The following PATJ variants were observed in gnomAD, a reference collection of about 807,000 sequenced individuals.
PATJ encodes the protein inaD-like protein.
In PATJ, 190 loss-of-function variants were observed where a neutral mutation model predicts 224.9. The ratio of observed to expected loss-of-function variants is 0.84; its 90% CI spans 0.75 to 0.95. The LOEUF (loss-of-function observed/expected upper bound fraction) is 0.95, where lower values mean the gene tolerates loss of function less well. Among genes scored for constraint, PATJ ranks in the 40% least tolerant of loss-of-function variants. PATJ has a pLI of 0.00. For missense variants in PATJ, 2,121 were observed against 2,270.3 expected, an observed-to-expected ratio of 0.93 and a Z score of 1.34; for synonymous variants, 769 against 820.3, an observed-to-expected ratio of 0.94 and a Z score of 1.07.
At chr1:62,056,976 G>A (rs1234881357) in intron 31 of PATJ, among the ~76,000 whole-genome samples, 1 of 152,060 alleles carries the variant, frequency 6.6e-6, no homozygotes, top group Non-Finnish European at 1.5e-5. Flanking sequence ...ACAGGCATGC[G>A]CCACCAGGCC....
chr1:61,972,016 A>G (rs145843988), intron 27 of PATJ, among the ~76,000 whole-genome samples: 1 of 152,104 alleles, frequency 6.6e-6, no homozygotes, highest in East Asian at 1.9e-4. Flanking sequence ...AAGTCTGAGC[A>G]AAAATAATTA....
chr1:62,138,072 G>A (rs758050684), intron 41 of PATJ, among the ~76,000 whole-genome samples: 6 of 152,116 alleles, frequency 3.9e-5, no homozygotes, highest in Non-Finnish European at 5.9e-5. Context: ...ACCTCAGGTC[G>A]GCAATTACTA....
intron 27 of PATJ, among the ~76,000 whole-genome samples, chr1:61,928,679 T>TA (rs1675581960): frequency 6.6e-6 from 1 of 152,102 alleles, no homozygotes; most frequent in Non-Finnish European, 1.5e-5. Context: ...TAATGAGGAT[T>TA]AAAATAAAGC....
intron 39 of PATJ, among the ~76,000 whole-genome samples, chr1:62,126,155 T>C (rs1157045786): frequency 6.6e-6 from 1 of 152,154 alleles, no homozygotes; most frequent in African/African-American, 2.4e-5. Context: ...GAATTGAGGA[T>C]TCGTTTTCTT....
intron 25 of PATJ, among the ~76,000 whole-genome samples, chr1:61,911,762 CAA>C (rs1027405311): frequency 1.1e-4 from 16 of 146,488 alleles, no homozygotes; most frequent in Admixed American, 4.8e-4. Flanking sequence ...GTCAGGGAGG[CAA>C]AGTGTTTTGT....
At chr1:62,025,717 A>G (rs1196354977) in intron 29 of PATJ, among the ~76,000 whole-genome samples, 4 of 152,210 alleles carry the variant, frequency 2.6e-5, no homozygotes, top group Non-Finnish European at 5.9e-5. Flanking sequence ...CAGCTGCTCA[A>G]GAGACGGAGG....
At chr1:61,757,181 C>T (rs1645698164) in intron 1 of PATJ, among the ~76,000 whole-genome samples, 1 of 149,966 alleles carries the variant, frequency 6.7e-6, no homozygotes, top group South Asian at 2.1e-4. Flanking sequence ...AAGCGATTCT[C>T]CCACCTTAGC....
At chr1:62,069,808 A>C (rs938586625) in intron 31 of PATJ, among the ~76,000 whole-genome samples, 3 of 152,144 alleles carry the variant, frequency 2.0e-5, no homozygotes, top group African/African-American at 7.2e-5. Context: ...TTGTGCTGGC[A>C]TGTAGTAGGT....
chr1:61,934,748 C>A (rs1676579238), intron 27 of PATJ, among the ~76,000 whole-genome samples: 1 of 152,150 alleles, frequency 6.6e-6, no homozygotes, highest in South Asian at 2.1e-4. Flanking sequence ...ATGACCCTCT[C>A]TGTTTTGGCC....
In PATJ at chr1:61,797,444, C is replaced by A. The variant is rs767373250; in HGVS notation, c.1402+16C>A. ...TCAGACAGAGGTGATTAATTTGCCACCCCTCTATCCCTCAAGTAGTTTACA... is the reference window on the plus strand; with the variant it reads ...TCAGACAGAGGTGATTAATTTGCCAACCCTCTATCCCTCAAGTAGTTTACA... On this transcript the variant is annotated intron_variant, in intron 11 of 43. Transcript: ENST00000642238. The A allele has an allele frequency of 6.3e-7, 1 of 1,598,990 alleles. No homozygotes were observed. Among genetic ancestry groups the A allele is most frequent in the South Asian group, 1.1e-5 (1 of 90,446 alleles).
At chr1:61,744,248 C>T (rs1376672544) in intron 1 of PATJ, among the ~76,000 whole-genome samples, 1 of 128,412 alleles carries the variant, frequency 7.8e-6, no homozygotes, top group Non-Finnish European at 1.6e-5. Flanking sequence ...TGCACCACTA[C>T]ACTCCAGCCT....
At chr1:61,891,963 A>G (rs2149110641) in intron 22 of PATJ, among the ~76,000 whole-genome samples, 1 of 152,324 alleles carries the variant, frequency 6.6e-6, no homozygotes, top group African/African-American at 2.4e-5. Flanking sequence ...TTTAGAACAC[A>G]TGTACATGTA....
chr1:61,901,429 C>A lies in PATJ; in HGVS notation c.3351C>A (p.Asn1117Lys). 1 of 1,582,250 alleles carries A rather than the reference C, an allele frequency of 6.3e-7. No individual in the cohort carries two copies. The highest frequency in any genetic ancestry group is 1.2e-5 in the South Asian group (1 of 84,852). ...AAGACAGTCCAGCAGGGAAGACGAACGCACTTAAAACTGGAGATAAAATAC... is the reference window on the plus strand; with the variant it reads ...AAGACAGTCCAGCAGGGAAGACGAAAGCACTTAAAACTGGAGATAAAATAC... Reference protein sequence around the residue: ...VLEDSPAGKTNALKTGDKILE... With the variant: ...VLEDSPAGKTKALKTGDKILE... Residue 1117 changes from asparagine to lysine, a missense_variant, in exon 24 of 44, where the codon AAC becomes AAA. Coordinates refer to ENST00000642238, the MANE Select transcript of PATJ (RefSeq NM_001350145.3).
At chr1:61,924,068 A>T (rs1289358998) in intron 26 of PATJ, among the ~76,000 whole-genome samples, 1 of 151,606 alleles carries the variant, frequency 6.6e-6, no homozygotes, top group South Asian at 2.1e-4. Context: ...AGAATAGGCA[A>T]TCAGGATTCA....
chr1:62,155,280 G>T (rs2149055715), intron 43 of PATJ, among the ~76,000 whole-genome samples: 1 of 152,282 alleles, frequency 6.6e-6, no homozygotes, highest in East Asian at 1.9e-4. Context: ...ACATGGGTCA[G>T]CTTCTAAGGC....
At chr1:61,988,880 T>A (rs1644909629) in intron 27 of PATJ, among the ~76,000 whole-genome samples, 1 of 152,200 alleles carries the variant, frequency 6.6e-6, no homozygotes, top group African/African-American at 2.4e-5. Flanking sequence ...CAAGGTTCCC[T>A]CCTAAGGACA....
In PATJ at chr1:61,861,560, G is replaced by C. The variant is rs1339374453; in HGVS notation, c.2332G>C (p.Glu778Gln). 2.2e-6 allele frequency: 3 copies of C among 1,351,024 alleles called. No homozygotes were observed. The South Asian group carries it at 4.0e-5, about 18-fold the overall frequency. The allele number at this position is 1,351,024 out of a possible 1,614,324, so 83.7% of individuals were successfully genotyped here. A position where few individuals can be genotyped will look rare whatever the true frequency, so the allele number is the denominator to read the frequency against. ...TGGTTTATATTTTCAGGAAGATAATGAAGAAGAAAGTTGTTATATTTTACA... is the reference window on the plus strand; with the variant it reads ...TGGTTTATATTTTCAGGAAGATAATCAAGAAGAAAGTTGTTATATTTTACA... ...GICKPLVEDN[E>Q]EESCYILHSS... The change falls in exon 19 of 44, where the codon GAA becomes CAA. Residue 778 changes from glutamate (E) to glutamine (Q), a missense_variant. Coordinates refer to ENST00000642238, the MANE Select transcript of PATJ (RefSeq NM_001350145.3).
At chr1:61,895,952 A>G (rs1226393600) in intron 22 of PATJ, among the ~76,000 whole-genome samples, 1 of 152,154 alleles carries the variant, frequency 6.6e-6, no homozygotes, top group East Asian at 1.9e-4. Flanking sequence ...TTGAATCAGC[A>G]TTTCTTGGAT....
intron 14 of PATJ, among the ~76,000 whole-genome samples, chr1:61,809,011 A>T (rs1054516707): frequency 6.6e-6 from 1 of 152,252 alleles, no homozygotes; most frequent in Non-Finnish European, 1.5e-5. Flanking sequence ...ACAGGCTTTA[A>T]AAAAGGCTTC....
Sources: gnomAD v4.1 joint callset for allele counts (sites outside exome capture counted in the v4.1 genomes callset) on GRCh38, gnomAD v4.1.1 for gene constraint, MANE v1.5 for transcripts, NCBI Gene and HGNC (gene_info 2026-07-23, HGNC 2026-07-21) for gene names.